The following SLC8A1 variants were observed in gnomAD, a reference collection of about 807,000 sequenced individuals.
SLC8A1 encodes sodium/calcium exchanger 1.
SLC8A1 carries 18 observed loss-of-function variants against 68.3 expected under a neutral mutation model. The ratio of observed to expected loss-of-function variants is 0.26; its 90% confidence interval spans 0.18 to 0.39. The LOEUF is 0.39. SLC8A1 is among the 10% of genes least tolerant of loss of function. The pLI, the probability that SLC8A1 is intolerant of heterozygous loss-of-function variation, is 1.00. For synonymous variants in SLC8A1, 475 were observed against 415.5 expected (o/e 1.14, Z -1.74); for missense variants, 985 against 1,156.7 (o/e 0.85, Z 2.15).
intron 2 of SLC8A1, among the ~76,000 whole-genome samples, chr2:40,404,228 A>C (rs892694532): frequency 1.1e-4 from 16 of 152,180 alleles, no homozygotes; most frequent in Non-Finnish European, 1.5e-5. Flanking sequence ...ACACTTGTCC[A>C]ACTTTAATGG....
chr2:40,379,013 C>T (rs1247186012), intron 2 of SLC8A1, among the ~76,000 whole-genome samples: 4 of 152,112 alleles, frequency 2.6e-5, no homozygotes, highest in African/African-American at 9.7e-5. Flanking sequence ...AATGTTCACC[C>T]CATGAGGGCA....
At chr2:40,226,882 G>C (rs1381295904) in intron 2 of SLC8A1, among the ~76,000 whole-genome samples, 3 of 152,078 alleles carry the variant, frequency 2.0e-5, no homozygotes, top group Non-Finnish European at 1.5e-5. Context: ...TAATGGCCTG[G>C]AGCTATAATA....
At chr2:40,245,178 T>C (rs1268419878) in intron 2 of SLC8A1, among the ~76,000 whole-genome samples, 2 of 152,174 alleles carry the variant, frequency 1.3e-5, no homozygotes, top group African/African-American at 2.4e-5. Flanking sequence ...GGACTCAGTC[T>C]TATGGAAGTG....
chr2:40,387,936 C>CAAAAAAAAAAAAAAAAAAAAA (rs57394425), intron 2 of SLC8A1, among the ~76,000 whole-genome samples: 1 of 90,942 alleles, frequency 1.1e-5, no homozygotes, highest in Non-Finnish European at 2.1e-5. Flanking sequence ...GAGACTGCCT[C>CAAAAAAAAAAAAAAAAAAAAA]AAAAAAAAAA....
chr2:40,231,645 C>T (rs138106971), intron 2 of SLC8A1, among the ~76,000 whole-genome samples: 64 of 152,220 alleles, frequency 4.2e-4, no homozygotes, highest in African/African-American at 1.4e-3. Flanking sequence ...CACTGATCTC[C>T]TCCCCTGAGC....
intron 2 of SLC8A1, among the ~76,000 whole-genome samples, chr2:40,383,831 T>A (rs897865471): frequency 1.4e-4 from 22 of 152,264 alleles, no homozygotes; most frequent in Middle Eastern, 3.4e-3. Context: ...TCATAATTAA[T>A]AGCATCTGTA....
intron 4 of SLC8A1, among the ~76,000 whole-genome samples, chr2:40,169,102 G>A (rs1376086399): frequency 1.3e-5 from 2 of 152,158 alleles, no homozygotes; most frequent in East Asian, 1.9e-4. Context: ...TGTTTCTAAC[G>A]CTCTCTGGTT....
chr2:40,185,322 C>G (rs2050503754), intron 2 of SLC8A1, among the ~76,000 whole-genome samples: 2 of 152,092 alleles, frequency 1.3e-5, no homozygotes, highest in Non-Finnish European at 2.9e-5. Flanking sequence ...TCATAATAGC[C>G]AAGAAGTGGA....
intron 6 of SLC8A1, among the ~76,000 whole-genome samples, chr2:40,159,938 T>C (rs1180560990): frequency 1.3e-5 from 2 of 152,152 alleles, no homozygotes; most frequent in Middle Eastern, 3.2e-3. Context: ...AGCTTGGGAA[T>C]CACTACGTAT....
At chr2:40,394,551 G>A (rs1488299835) in intron 2 of SLC8A1, among the ~76,000 whole-genome samples, 2 of 151,884 alleles carry the variant, frequency 1.3e-5, no homozygotes, top group Non-Finnish European at 1.5e-5. Context: ...TAGACATTTC[G>A]ATAAGATTAT....
chr2:40,415,740 G>T (rs1693615483), intron 2 of SLC8A1, among the ~76,000 whole-genome samples: 1 of 151,954 alleles, frequency 6.6e-6, no homozygotes, highest in South Asian at 2.1e-4. Flanking sequence ...CACTTTGGGA[G>T]GCCGAGGTGG....
chr2:40,329,998 G>C (rs1046568963), intron 2 of SLC8A1, among the ~76,000 whole-genome samples: 1 of 152,176 alleles, frequency 6.6e-6, no homozygotes, highest in Non-Finnish European at 1.5e-5. Context: ...AAGAGCAGGA[G>C]CTGAAACTTC....
chr2:40,460,872 T>TG (rs4015628), intron 1 of SLC8A1, among the ~76,000 whole-genome samples: 76 of 151,780 alleles, frequency 5.0e-4, no homozygotes, highest in African/African-American at 1.8e-3. Context: ...CGCACCTGAC[T>TG]ATAAGGATTT....
exon 8 of SLC8A1, chr2:40,104,825 A>G (rs185683195): frequency 2.6e-5 from 4 of 152,276 alleles, no homozygotes; most frequent in Non-Finnish European, 5.9e-5. Flanking sequence ...TTATGAGCCT[A>G]TGATCCTGGA....
chr2:40,326,901 T>C (rs1414371051), intron 2 of SLC8A1, among the ~76,000 whole-genome samples: 1 of 152,208 alleles, frequency 6.6e-6, no homozygotes, highest in African/African-American at 2.4e-5. Flanking sequence ...GCAGAGGTAT[T>C]GATCCCAAGG....
intron 1 of SLC8A1, among the ~76,000 whole-genome samples, chr2:40,481,136 T>C (rs62149449): frequency 0.39 from 58,639 of 152,116 alleles, 14,550 homozygotes; most frequent in Non-Finnish European, 0.57. Flanking sequence ...AGTGTGTGTG[T>C]GTATGTTTGT....
intron 2 of SLC8A1, among the ~76,000 whole-genome samples, chr2:40,263,283 C>A (rs1394894529): frequency 6.6e-6 from 1 of 152,188 alleles, no homozygotes; most frequent in Non-Finnish European, 1.5e-5. Flanking sequence ...TAATGCAGTG[C>A]ATTTTTAGCA....
intron 2 of SLC8A1, among the ~76,000 whole-genome samples, chr2:40,293,173 T>C (rs2069653879): frequency 6.6e-6 from 1 of 152,190 alleles, no homozygotes; most frequent in South Asian, 2.1e-4. Context: ...CTATTCAATG[T>C]CTATTGACCT....
At chr2:40,495,549 C>T (rs548703766) in intron 1 of SLC8A1, among the ~76,000 whole-genome samples, 1 of 152,022 alleles carries the variant, frequency 6.6e-6, no homozygotes, top group South Asian at 2.1e-4. Flanking sequence ...AGGAGCAAGT[C>T]ACAGATGTAT....
Sources: gnomAD v4.1 joint callset for allele counts (sites outside exome capture counted in the v4.1 genomes callset) on GRCh38, gnomAD v4.1.1 for gene constraint, MANE v1.5 for transcripts, NCBI Gene and HGNC (gene_info 2026-07-23, HGNC 2026-07-21) for gene names.